FCHSD2: variants seen among roughly 807,000 people sequenced by gnomAD.
The protein encoded by FCHSD2 is FCH and double SH3 domains 2.
FCHSD2 carries 38 observed loss-of-function variants against 108.1 expected under a neutral mutation model. That is an observed-to-expected ratio of 0.35 (90% CI 0.27 to 0.46). The LOEUF is 0.46. Among genes scored for constraint, FCHSD2 ranks in the 20% least tolerant of loss-of-function variants. FCHSD2 has a pLI of 1.00. For missense variants in FCHSD2, 751 were observed against 897.8 expected (o/e 0.84, Z 2.09); for synonymous variants, 279 against 314.7 (o/e 0.89, Z 1.20).
intron 9 of FCHSD2, among the ~76,000 whole-genome samples, chr11:72,903,058 G>A (rs1855558635): frequency 6.6e-6 from 1 of 152,090 alleles, no homozygotes; most frequent in Non-Finnish European, 1.5e-5. Flanking sequence ...CCATCCACTA[G>A]GAAACTGCCA....
At chr11:73,058,101 G>A (rs1430177523) in intron 3 of FCHSD2, among the ~76,000 whole-genome samples, 2 of 152,100 alleles carry the variant, frequency 1.3e-5, no homozygotes, top group East Asian at 1.9e-4. Flanking sequence ...GGATGGTCTC[G>A]ATCTCCTGAC....
chr11:72,997,062 A>G (rs1857531652), intron 5 of FCHSD2, among the ~76,000 whole-genome samples: 1 of 152,184 alleles, frequency 6.6e-6, no homozygotes, highest in Admixed American at 6.5e-5. Flanking sequence ...GCAGAAAAGC[A>G]AGTCCAAAAA....
intron 8 of FCHSD2, among the ~76,000 whole-genome samples, chr11:72,975,250 G>C (rs959805887): frequency 7.9e-5 from 12 of 152,052 alleles, no homozygotes; most frequent in African/African-American, 2.7e-4. Flanking sequence ...CCACATCTTA[G>C]CTATTGTGAA....
intron 2 of FCHSD2, among the ~76,000 whole-genome samples, chr11:73,139,810 G>T (rs1861205229): frequency 6.6e-6 from 1 of 152,164 alleles, no homozygotes; most frequent in African/African-American, 2.4e-5. Flanking sequence ...TAAGGTCCTT[G>T]TTTTTTCTGA....
At chr11:72,935,708 G>C (rs1856286034) in intron 8 of FCHSD2, among the ~76,000 whole-genome samples, 1 of 152,140 alleles carries the variant, frequency 6.6e-6, no homozygotes, top group African/African-American at 2.4e-5. Flanking sequence ...TTTATCAGTT[G>C]ATATAAAGTA....
At chr11:72,871,753 A>AT (rs35295400) in intron 12 of FCHSD2, among the ~76,000 whole-genome samples, 6 of 132,854 alleles carry the variant, frequency 4.5e-5, no homozygotes, top group South Asian at 4.9e-4. Context: ...TTGGTACATA[A>AT]TTTTTTTTTT....
intron 3 of FCHSD2, chr11:73,077,500 A>C (rs1859585616): frequency 6.1e-6 from 2 of 327,906 alleles, no homozygotes; most frequent in Non-Finnish European, 1.2e-5. Flanking sequence ...TTATTTAAAA[A>C]GTTAAAAATG....
intron 2 of FCHSD2, among the ~76,000 whole-genome samples, chr11:73,084,431 C>T (rs912008417): frequency 3.9e-5 from 6 of 152,110 alleles, no homozygotes; most frequent in African/African-American, 1.4e-4. Context: ...TGTTCTGTTG[C>T]CTAGGCTTGA....
Position 72,988,720 on chromosome 11 carries a change from T to C in FCHSD2, c.521+244A>G, listed in dbSNP as rs376786680. ...CTGTAAATACAATGTTCATTTACCT[T>C]CTTTTTCAAAATTCAATTTAATGTG... On this transcript the variant is annotated intron_variant, in intron 6 of 19. Coordinates refer to ENST00000409418, the MANE Select transcript of FCHSD2 (RefSeq NM_014824.3). Among the ~76,000 whole-genome samples the C allele has an allele frequency of 3.5e-3, 532 of 152,350 alleles. 1 individual carries two copies. Among genetic ancestry groups the C allele is most frequent in the African/African-American group, 0.012 (510 of 41,566 alleles).
At chr11:73,117,370 A>G (rs940426701) in intron 2 of FCHSD2, among the ~76,000 whole-genome samples, 5 of 152,214 alleles carry the variant, frequency 3.3e-5, no homozygotes, top group African/African-American at 1.2e-4. Flanking sequence ...ATAATAATGC[A>G]TGATTTATAT....
chr11:73,124,228 G>A (rs1860801415), intron 2 of FCHSD2, among the ~76,000 whole-genome samples: 2 of 152,172 alleles, frequency 1.3e-5, no homozygotes, highest in Admixed American at 1.3e-4. Flanking sequence ...CCTGGACACA[G>A]GATGGGGAAC....
chr11:73,134,191 C>T (rs1412969573), intron 2 of FCHSD2, among the ~76,000 whole-genome samples: 1 of 152,044 alleles, frequency 6.6e-6, no homozygotes, highest in African/African-American at 2.4e-5. Flanking sequence ...AGTCTCAGCA[C>T]CATGCACAGT....
Position 72,924,324 on chromosome 11 carries a change from C to T in FCHSD2, c.706-2374G>A, listed in dbSNP as rs562691192. ...ACAGAGTCTTGCTCTATTGCCCAGG[C>T]TGGAGTGCAGTGGCATGATCTCGGC... On this transcript the variant is annotated intron_variant, in intron 8 of 19. Transcript: ENST00000409418. 3.1e-4 allele frequency among the ~76,000 whole-genome samples: 47 copies of T among 152,156 alleles called. No homozygotes were observed. The South Asian group carries it at 9.8e-3, about 32-fold the overall frequency.
At chr11:73,000,780 C>A (rs1857610928) in intron 5 of FCHSD2, among the ~76,000 whole-genome samples, 1 of 152,078 alleles carries the variant, frequency 6.6e-6, no homozygotes, top group Non-Finnish European at 1.5e-5. Flanking sequence ...GCTTTTTGAA[C>A]GTCCATGGAT....
At chr11:73,017,045 C>T (rs114499039) in intron 3 of FCHSD2, among the ~76,000 whole-genome samples, 119 of 152,264 alleles carry the variant, frequency 7.8e-4, no homozygotes, top group African/African-American at 2.6e-3. Flanking sequence ...TGCAGTGGCG[C>T]GATCATGGCT....
chr11:72,934,040 T>C (rs1022182769), intron 8 of FCHSD2, among the ~76,000 whole-genome samples: 2 of 144,716 alleles, frequency 1.4e-5, no homozygotes, highest in Non-Finnish European at 3.0e-5. Context: ...GCCTGGGAGG[T>C]TGAGGCTGCA....
At position 72,889,898 on chromosome 11, in the gene FCHSD2, T is replaced by G. The variant is rs756583353; in HGVS notation, c.972A>C (p.Leu324=). The G allele has an allele frequency of 3.7e-5, 59 of 1,613,680 alleles. No homozygotes were observed. The East Asian group carries it at 1.3e-3, about 35-fold the overall frequency. ...TGGCCCATTTTCGAGCTTCCTTATT[T>G]AGACTGTGCTCCTCTGTGGTCCCAG... The part of the protein sequence containing the change: ...SETGTTEEHS[L]NKEARKWATR... The change falls in exon 11 of 20, where the codon CTA becomes CTC. Residue 324 remains leucine, a synonymous_variant. Coordinates refer to ENST00000409418, the MANE Select transcript of FCHSD2 (RefSeq NM_014824.3).
chr11:73,063,720 A>G (rs77780279), intron 3 of FCHSD2, among the ~76,000 whole-genome samples: 1 of 152,340 alleles, frequency 6.6e-6, no homozygotes, highest in African/African-American at 2.4e-5. Flanking sequence ...TAAAGTGATC[A>G]ATGCAGCAAG....
At chr11:73,122,425 C>T (rs1860756657) in intron 2 of FCHSD2, among the ~76,000 whole-genome samples, 1 of 152,190 alleles carries the variant, frequency 6.6e-6, no homozygotes, top group Non-Finnish European at 1.5e-5. Flanking sequence ...CAGGCATCCC[C>T]TCAGTGGCAG....
Sources: allele counts gnomAD v4.1 joint callset (sites outside exome capture counted in the v4.1 genomes callset), GRCh38; gene constraint gnomAD v4.1.1; transcripts MANE v1.5; gene names NCBI Gene and HGNC (gene_info 2026-07-23, HGNC 2026-07-21).